The following FAM13B variants were observed in gnomAD, a reference collection of about 807,000 sequenced individuals.
FAM13B encodes family with sequence similarity 13 member B, also known as protein FAM13B.
A neutral mutation model predicts 117.3 loss-of-function variants in FAM13B; 60 were observed. The ratio of observed to expected loss-of-function variants is 0.51; its 90% CI spans 0.42 to 0.63. FAM13B has a LOEUF of 0.63. Ranked by LOEUF, FAM13B falls within the 30% of genes least tolerant of loss-of-function variation. The pLI is 0.00. For missense variants in FAM13B, 972 were observed against 1,091.9 expected (o/e 0.89, Z 1.55); for synonymous variants, 332 against 356.1 (o/e 0.93, Z 0.76).
At chr5:138,003,431 T>C (rs1028680270) in intron 7 of FAM13B, among the ~76,000 whole-genome samples, 4 of 152,206 alleles carry the variant, frequency 2.6e-5, no homozygotes, top group Non-Finnish European at 5.9e-5. Context: ...AAAGTAGTCA[T>C]GGGTACTTTT....
chr5:137,999,750 C>G (rs1177247348), intron 7 of FAM13B, among the ~76,000 whole-genome samples: 3 of 152,134 alleles, frequency 2.0e-5, no homozygotes, highest in African/African-American at 7.2e-5. Flanking sequence ...AGTCTGAGAT[C>G]AAGGCAGCAG....
At chr5:137,947,837 G>A (rs1233031488) in intron 18 of FAM13B, among the ~76,000 whole-genome samples, 2 of 152,012 alleles carry the variant, frequency 1.3e-5, no homozygotes, top group Non-Finnish European at 2.9e-5. Flanking sequence ...CACCCACCTC[G>A]GCCTCCCAAA....
intron 10 of FAM13B, among the ~76,000 whole-genome samples, chr5:137,976,522 C>T (rs1401978900): frequency 6.6e-6 from 1 of 152,088 alleles, no homozygotes. Context: ...CATCCATAAC[C>T]TATCAGCCAG....
At chr5:137,967,555 TACCATCAACCCA>T (rs1770435648) in intron 10 of FAM13B, among the ~76,000 whole-genome samples, 1 of 150,894 alleles carries the variant, frequency 6.6e-6, no homozygotes, top group South Asian at 2.1e-4. Flanking sequence ...AAAGGAAAAA[TACCATCAACCCA>T]ACAGAAAAAT....
chr5:137,977,257 G>T (rs1774297706), intron 10 of FAM13B, among the ~76,000 whole-genome samples: 1 of 152,152 alleles, frequency 6.6e-6, no homozygotes, highest in South Asian at 2.1e-4. Flanking sequence ...CTGATAAGAT[G>T]TTATCAATGA....
At chr5:137,978,810 GAGCCTCCACCACCAGCCAC>G (rs1257710649) in intron 10 of FAM13B, among the ~76,000 whole-genome samples, 1 of 152,206 alleles carries the variant, frequency 6.6e-6, no homozygotes, top group African/African-American at 2.4e-5. Context: ...CAGACAAAAT[GAGCCTCCACCACCAGCCAC>G]AGCTCAAGAC....
In FAM13B at chr5:137,949,176, G is replaced by T. The variant is rs1764232821; in HGVS notation, c.1939C>A (p.His647Asn). 1.2e-6 allele frequency: 2 copies of T among 1,613,512 alleles called. No individual in the cohort carries two copies. The highest frequency in any genetic ancestry group is 1.7e-6 in the Non-Finnish European group (2 of 1,179,718). Residue 647 changes from histidine to asparagine, a missense_variant, in exon 18 of 24, where the codon CAC (histidine) becomes AAC (asparagine). His to Asn is a moderately conservative substitution (Grantham distance 68). Transcript: ENST00000689681. The stretch of plus-strand genomic sequence containing the variant: ...ACAAATTCTCCATCAGAATTTTTGT[G>T]TTTTGCATCTACATGTCAGAAATAA... ...KLRKQIKDAK[H>N]KNSDGEFVPQ...
chr5:138,014,933 T>C (rs543734412), intron 4 of FAM13B, among the ~76,000 whole-genome samples: 2 of 152,384 alleles, frequency 1.3e-5, no homozygotes, highest in South Asian at 4.1e-4. Flanking sequence ...AAATAATGTA[T>C]GTATCAGAGA....
At chr5:138,036,230 A>G, upstream of FAM13B, 1 of 357,648 alleles carries the variant, frequency 2.8e-6, no homozygotes, top group South Asian at 2.1e-5. Context: ...ACTAAATTAC[A>G]ACGACTGCTT....
Position 137,954,306 on chromosome 5 carries a change from A to C in FAM13B, c.1578T>G (p.Ala526=). Residue 526 remains alanine (A), a synonymous_variant, in exon 15 of 24, where the codon GCT becomes GCG. Coordinates refer to ENST00000689681, the MANE Select transcript of FAM13B (RefSeq NM_001385994.1). ...CCAAGGGGTGATGATTCATTCTTCC[A>C]GCTTGTGGAGACAGCTGAGCTTCTC... ...ESGEAQLSPQ[A]GRMNHHPLEE... 6.2e-7 allele frequency: 1 copy of C among 1,614,092 alleles called. No homozygotes were observed. Among genetic ancestry groups the C allele is most frequent in the Non-Finnish European group, 8.5e-7 (1 of 1,180,006 alleles).
At chr5:137,987,384 G>A in intron 9 of FAM13B, 77 bp downstream of exon 9, 1 of 1,276,758 alleles carries the variant, frequency 7.8e-7, no homozygotes. Context: ...ATGAGATCCT[G>A]TTATTTAAGT....
chr5:138,031,962 T>C (rs1158911119), intron 1 of FAM13B, among the ~76,000 whole-genome samples: 1 of 152,228 alleles, frequency 6.6e-6, no homozygotes, highest in Admixed American at 6.5e-5. Context: ...CTGGTAATGA[T>C]TCTGGCTACC....
upstream of FAM13B, chr5:138,036,930 C>T: frequency 6.4e-6 from 2 of 310,714 alleles, no homozygotes; most frequent in Middle Eastern, 1.1e-3. Flanking sequence ...TGGAGAGGTG[C>T]TATTGGCTGG....
chr5:137,985,201 A>C, intron 10 of FAM13B, 56 bp downstream of exon 10: 1 of 1,555,766 alleles, frequency 6.4e-7, no homozygotes, highest in East Asian at 2.3e-5. Flanking sequence ...GGCATCAAAG[A>C]AACACATGAA....
chr5:137,976,068 TGCCTCA>T (rs1393072569), intron 10 of FAM13B, among the ~76,000 whole-genome samples: 1 of 145,860 alleles, frequency 6.9e-6, no homozygotes, highest in African/African-American at 2.5e-5. Context: ...CATGCCATTC[TGCCTCA>T]GCCTCCCAAG....
chr5:138,015,881 G>A (rs942032587), intron 4 of FAM13B, among the ~76,000 whole-genome samples: 20 of 152,102 alleles, frequency 1.3e-4, no homozygotes, highest in African/African-American at 3.9e-4. Flanking sequence ...TTAAAGAAAC[G>A]GGTGTATATG....
chr5:137,971,147 A>G (rs1055210012), intron 10 of FAM13B, among the ~76,000 whole-genome samples: 5 of 151,558 alleles, frequency 3.3e-5, no homozygotes, highest in Non-Finnish European at 4.4e-5. Flanking sequence ...CCCCAAATCA[A>G]CAGAATATAC....
intron 7 of FAM13B, among the ~76,000 whole-genome samples, chr5:137,994,447 A>C (rs1182119488): frequency 6.6e-6 from 1 of 152,218 alleles, no homozygotes; most frequent in Non-Finnish European, 1.5e-5. Context: ...AAAAGCCCTG[A>C]TATATCAGCC....
At chr5:138,025,326 T>TC (rs1788073782) in intron 1 of FAM13B, among the ~76,000 whole-genome samples, 2 of 141,270 alleles carry the variant, frequency 1.4e-5, no homozygotes, top group African/African-American at 5.3e-5. Context: ...TTTTTTTTTT[T>TC]TTTTTTTGAG....
Sources: allele counts gnomAD v4.1 joint callset (sites outside exome capture counted in the v4.1 genomes callset), GRCh38; gene constraint gnomAD v4.1.1; transcripts MANE v1.5; gene names NCBI Gene and HGNC (gene_info 2026-07-23, HGNC 2026-07-21).